Variants in AGAP1 observed in about 807,000 individuals in gnomAD.
The protein encoded by AGAP1 is ArfGAP with GTPase domain, ankyrin repeat and PH domain 1.
Under a neutral mutation model 105.3 loss-of-function variants are expected in AGAP1, and 29 were observed. The observed-to-expected ratio is 0.28, with a 90% CI of 0.21 to 0.38. AGAP1 has a LOEUF of 0.38. Among genes scored for constraint, AGAP1 ranks in the 10% least tolerant of loss-of-function variants. AGAP1 has a pLI of 1.00. For missense variants in AGAP1, 998 were observed against 1,165.1 expected (o/e 0.86, Z 2.09); for synonymous variants, 509 against 485.9 (o/e 1.05, Z -0.63).
At chr2:235,494,928 G>A in intron 1 of AGAP1, 79 bp downstream of exon 1, 1 of 1,378,968 alleles carries the variant, frequency 7.3e-7, no homozygotes, top group Admixed American at 3.4e-5. Flanking sequence ...GTGTGCGTGC[G>A]GGTGTCCACA....
At chr2:235,806,923 T>A (rs1048503640) in intron 8 of AGAP1, among the ~76,000 whole-genome samples, 1 of 152,216 alleles carries the variant, frequency 6.6e-6, no homozygotes, top group African/African-American at 2.4e-5. Flanking sequence ...AGCTTTCAAG[T>A]GTTTTTCTGT....
rs144034500 is a variant in AGAP1 at position 236,079,075 on chromosome 2, C to T, written c.2114+29794C>T. On this transcript the variant is annotated intron_variant, in intron 16 of 17. Transcript: ENST00000304032. ...TACACCCCTGCCTGGTGGGTTAGGG[C>T]TCCGATGCCACACCAGGCCTGGCAT... Among the ~76,000 whole-genome samples the T allele has an allele frequency of 2.0e-3, 309 of 152,260 alleles. 1 individual carries two copies. Among genetic ancestry groups the T allele is most frequent in the African/African-American group, 7.1e-3 (296 of 41,542 alleles).
chr2:236,102,598 A>AAAAG (rs1396800270), intron 16 of AGAP1, among the ~76,000 whole-genome samples: 8 of 135,718 alleles, frequency 5.9e-5, no homozygotes, highest in Admixed American at 2.8e-4. Flanking sequence ...AAAAAAAAAA[A>AAAAG]AAAGAAAGAA....
chr2:235,554,214 T>G (rs955631027), intron 1 of AGAP1, among the ~76,000 whole-genome samples: 3 of 152,266 alleles, frequency 2.0e-5, no homozygotes, highest in African/African-American at 7.2e-5. Context: ...CTCATTTTAA[T>G]TAGCGTGGTC....
At chr2:235,933,834 C>G (rs1374942778) in intron 12 of AGAP1, among the ~76,000 whole-genome samples, 1 of 152,100 alleles carries the variant, frequency 6.6e-6, no homozygotes, top group Non-Finnish European at 1.5e-5. Context: ...CCCGGCCTTT[C>G]TAAGGATTAA....
intron 9 of AGAP1, chr2:235,852,669 C>T (rs1325003841): frequency 2.1e-6 from 3 of 1,433,428 alleles, no homozygotes; most frequent in Admixed American, 6.0e-5. Flanking sequence ...TTTTTTTTAT[C>T]TCCTTTCTCT....
intron 1 of AGAP1, among the ~76,000 whole-genome samples, chr2:235,699,770 G>A (rs1950165915): frequency 6.6e-6 from 1 of 152,254 alleles, no homozygotes; most frequent in Admixed American, 6.5e-5. Context: ...AGCATTCGCA[G>A]TGGGGGTGTC....
chr2:236,118,678 T>A (rs1011096061), intron 16 of AGAP1, among the ~76,000 whole-genome samples: 6 of 152,126 alleles, frequency 3.9e-5, no homozygotes, highest in Non-Finnish European at 8.8e-5. Context: ...CATGAGCCAC[T>A]GCGCCCAGCC....
Position 236,089,532 on chromosome 2 carries a change from A to C in AGAP1, c.2115-30660A>C, listed in dbSNP as rs186639653. Among the ~76,000 whole-genome samples the C allele has an allele frequency of 1.4e-3, 209 of 152,352 alleles. No homozygotes were observed. The highest frequency in any genetic ancestry group is 4.7e-3 in the African/African-American group (195 of 41,582). On this transcript the variant is annotated intron_variant, in intron 16 of 17. Coordinates refer to ENST00000304032, the MANE Select transcript of AGAP1 (RefSeq NM_001037131.3). This position sits in a 1 kb window ranked among gnomAD's most constrained non-coding sequence, Gnocchi z 5.6. ...GCGCCTGTTGCCGTTGATGAGACCC[A>C]AAGTCTGGAACGAATCTGGTTCCAT...
At chr2:235,647,698 A>G (rs1316520225) in intron 1 of AGAP1, among the ~76,000 whole-genome samples, 1 of 152,096 alleles carries the variant, frequency 6.6e-6, no homozygotes, top group African/African-American at 2.4e-5. Context: ...GAGGAATCAC[A>G]TTTTAATAGC....
intron 11 of AGAP1, among the ~76,000 whole-genome samples, chr2:235,923,163 A>G (rs935154099): frequency 2.6e-5 from 4 of 152,174 alleles, no homozygotes; most frequent in Non-Finnish European, 5.9e-5. Flanking sequence ...TTTCATGGTA[A>G]CGCAAATAAT....
At position 235,750,358 on chromosome 2, in the gene AGAP1, C is replaced by T. The variant is rs540369692; in HGVS notation, c.543C>T (p.Ala181=). ...CTTTTTGGTCTTCTGTTCCAGATGC[C>T]ATAAGTTCTGCTAACCCGAGGGTCA... is the stretch of plus-strand genomic sequence containing the variant. ...IPLVLVGTQD[A]ISSANPRVID... is the part of the protein sequence containing the mutation. The change falls in exon 6 of 18, where the codon GCC becomes GCT. Residue 181 remains alanine, a synonymous_variant. Coordinates refer to ENST00000304032, the MANE Select transcript of AGAP1 (RefSeq NM_001037131.3). This position sits in a 1 kb window ranked among gnomAD's most constrained non-coding sequence, Gnocchi z 5.3. 5 of 1,614,118 alleles carry T rather than the reference C, an allele frequency of 3.1e-6. No individual in the cohort carries two copies. The highest frequency in any genetic ancestry group is 1.3e-5 in the African/African-American group (1 of 75,008).
chr2:235,544,702 A>G (rs899061948), intron 1 of AGAP1, among the ~76,000 whole-genome samples: 2 of 152,138 alleles, frequency 1.3e-5, no homozygotes, highest in African/African-American at 2.4e-5. Context: ...CCCAAAACCA[A>G]TGCTGCCTCT....
At chr2:235,497,131 T>A (rs6741837) in intron 1 of AGAP1, among the ~76,000 whole-genome samples, 133,105 of 152,150 alleles carry the variant, frequency 0.87, 58,703 homozygotes, top group East Asian at 0.99. Context: ...CCTGTGAGGG[T>A]GGGTGGGTAG....
At chr2:235,676,025 A>G (rs1948716815) in intron 1 of AGAP1, among the ~76,000 whole-genome samples, 1 of 152,218 alleles carries the variant, frequency 6.6e-6, no homozygotes, top group Non-Finnish European at 1.5e-5. Flanking sequence ...ATAAAGCACT[A>G]GTAGTTTTTG....
At chr2:235,748,129 A>G (rs1387262780) in intron 5 of AGAP1, among the ~76,000 whole-genome samples, 4 of 152,248 alleles carry the variant, frequency 2.6e-5, no homozygotes, top group Non-Finnish European at 5.9e-5. Context: ...AAAGCTACGG[A>G]GTTAAAAGTG....
intron 2 of AGAP1, among the ~76,000 whole-genome samples, chr2:235,710,067 T>C (rs1950771668): frequency 6.6e-6 from 1 of 152,242 alleles, no homozygotes; most frequent in South Asian, 2.1e-4. Flanking sequence ...AATTTGACCG[T>C]GAAAGCAAAG....
In AGAP1 at chr2:236,076,837, G is replaced by A. The variant is rs537186304; in HGVS notation, c.2114+27556G>A. On this transcript the variant is annotated intron_variant, in intron 16 of 17. Coordinates refer to ENST00000304032, the MANE Select transcript of AGAP1 (RefSeq NM_001037131.3). This position sits in a 1 kb window ranked among gnomAD's most constrained non-coding sequence, Gnocchi z 4.4. The stretch of plus-strand genomic sequence containing the variant: ...AGTAGAAAAATAGTCCCAGCACAGG[G>A]TCTCATGCCTGTAATCCCAGCACTT... Among the ~76,000 whole-genome samples, 77 of 151,918 alleles carry A rather than the reference G, an allele frequency of 5.1e-4. 1 individual carries two copies. Among genetic ancestry groups the A allele is most frequent in the African/African-American group, 1.8e-3 (74 of 41,442 alleles).
chr2:236,123,977 G>A lies in AGAP1; in HGVS notation c.2429G>A (p.Arg810Gln), dbSNP rs150891900. ...AHGNTALAYA[R>Q]QASSQECIDV... ...GGGAACACAGCTCTGGCCTACGCCC[G>A]GCAGGCCTCCAGCCAGGAGTGCATC... is the stretch of plus-strand genomic sequence containing the variant. The change falls in exon 18 of 18, where the codon CGG (arginine) becomes CAG (glutamine). Residue 810 changes from arginine (R) to glutamine (Q), a missense_variant. By Grantham distance (43) the Arg-to-Gln change is conservative. Transcript: ENST00000304032. The surrounding 1 kb of genome is among the most constrained non-coding windows in gnomAD (Gnocchi z 4.6). 2.2e-5 allele frequency: 36 copies of A among 1,613,724 alleles called. No homozygotes were observed. The highest frequency in any genetic ancestry group is 1.2e-4 in the African/African-American group (9 of 74,876).
Sources: gnomAD v4.1 joint callset for allele counts (sites outside exome capture counted in the v4.1 genomes callset) on GRCh38, gnomAD v4.1.1 for gene constraint, Gnocchi (gnomAD v3.1) non-coding constraint, MANE v1.5 for transcripts, NCBI Gene and HGNC (gene_info 2026-07-23, HGNC 2026-07-21) for gene names.